The following XPO4 variants were observed in gnomAD, a reference collection of about 807,000 sequenced individuals.
XPO4 encodes exportin 4.
XPO4 carries 39 observed loss-of-function variants against 143.0 expected under a neutral mutation model. The ratio of observed to expected loss-of-function variants is 0.27; its 90% CI spans 0.21 to 0.36. The LOEUF is 0.36. Among genes scored for constraint, XPO4 ranks in the 10% least tolerant of loss-of-function variants. The pLI, the probability that XPO4 is intolerant of heterozygous loss-of-function variation, is 1.00. For synonymous variants in XPO4, 439 were observed against 474.0 expected, an observed-to-expected ratio of 0.93 and a Z score of 0.96; for missense variants, 907 against 1,348.0, an observed-to-expected ratio of 0.67 and a Z score of 5.12.
In XPO4 at chr13:20,809,890, G is replaced by A; in HGVS notation, c.1251C>T (p.Asp417=). Residue 417 remains aspartate, a synonymous_variant, in exon 10 of 23, where the codon GAC becomes GAT. Coordinates refer to ENST00000255305, the MANE Select transcript of XPO4 (RefSeq NM_022459.5). ...LESWLTLVQD[D]KHFHKGFFTQ... ...TAAAAAAGCCTTTATGGAAATGTTT[G>A]TCATCTTGAACCAAAGTTAACCAGG... 3.7e-6 allele frequency: 6 copies of A among 1,613,808 alleles called. No individual in the cohort carries two copies. Among genetic ancestry groups the A allele is most frequent in the African/African-American group, 2.7e-5 (2 of 75,038 alleles).
intron 9 of XPO4, among the ~76,000 whole-genome samples, chr13:20,820,759 T>A (rs939041731): frequency 1.3e-5 from 2 of 152,174 alleles, no homozygotes; most frequent in Non-Finnish European, 2.9e-5. Context: ...CCCGATTACA[T>A]AAACATAATC....
intron 13 of XPO4, among the ~76,000 whole-genome samples, chr13:20,807,145 T>C (rs2059518932): frequency 6.6e-6 from 1 of 152,162 alleles, no homozygotes; most frequent in Non-Finnish European, 1.5e-5. Flanking sequence ...CATGCATCAG[T>C]ATTGCTCTCT....
In XPO4 at chr13:20,787,457, T is replaced by A; in HGVS notation, c.3165+24A>T. ...ACACTTTTGAAAGTAGCTGATTTTCTGACCTACCGCACAGACATCTTACCT... is the reference window on the plus strand; with the variant it reads ...ACACTTTTGAAAGTAGCTGATTTTCAGACCTACCGCACAGACATCTTACCT... On this transcript the variant is annotated intron_variant, in intron 21 of 22. Transcript: ENST00000255305. 3 of 1,602,622 alleles carry A rather than the reference T, an allele frequency of 1.9e-6. No homozygotes were observed. The South Asian group carries it at 3.3e-5, about 18-fold the overall frequency.
intron 2 of XPO4, chr13:20,865,729 G>A: frequency 1.8e-5 from 6 of 325,450 alleles, no homozygotes; most frequent in Non-Finnish European, 2.6e-5. Flanking sequence ...CAGATATACA[G>A]CTACTACAAT....
At chr13:20,862,059 T>C (rs1228133735) in intron 3 of XPO4, among the ~76,000 whole-genome samples, 2 of 152,070 alleles carry the variant, frequency 1.3e-5, no homozygotes, top group Non-Finnish European at 2.9e-5. Flanking sequence ...AGTGCTGGGA[T>C]TACAGGTGTG....
At chr13:20,888,175 C>CAAAAA (rs60114182) in intron 1 of XPO4, among the ~76,000 whole-genome samples, 4 of 90,562 alleles carry the variant, frequency 4.4e-5, no homozygotes, top group Admixed American at 1.5e-4. Flanking sequence ...AACTCCATCT[C>CAAAAA]AAAAAAAAAA....
At chr13:20,854,313 G>A (rs2060120044) in intron 4 of XPO4, among the ~76,000 whole-genome samples, 2 of 152,204 alleles carry the variant, frequency 1.3e-5, no homozygotes, top group Non-Finnish European at 2.9e-5. Flanking sequence ...AGCTGTGTGC[G>A]GTGAAAAGTG....
intron 1 of XPO4, among the ~76,000 whole-genome samples, chr13:20,884,242 T>C (rs2060440507): frequency 2.0e-5 from 3 of 152,242 alleles, no homozygotes; most frequent in Middle Eastern, 3.4e-3. Flanking sequence ...TAGCTGGGCA[T>C]GATGGCCTCC....
At chr13:20,787,694 A>C in intron 20 of XPO4, 96 bp from the exon 21 acceptor site, 1 of 938,542 alleles carries the variant, frequency 1.1e-6, no homozygotes, top group Non-Finnish European at 1.7e-6. Flanking sequence ...GAGTGTTTCT[A>C]GAAATGAATA....
At chr13:20,824,163 A>G (rs776806398) in intron 7 of XPO4, among the ~76,000 whole-genome samples, 36 of 152,236 alleles carry the variant, frequency 2.4e-4, no homozygotes, top group Admixed American at 6.5e-4. Flanking sequence ...CTATATTCCA[A>G]TGTATTTTAA....
intron 6 of XPO4, among the ~76,000 whole-genome samples, chr13:20,829,561 C>T (rs2059827127): frequency 6.6e-6 from 1 of 152,044 alleles, no homozygotes; most frequent in Non-Finnish European, 1.5e-5. Context: ...ACTTCAGGTG[C>T]TATAACTGCA....
rs1383215227 is a variant in XPO4, at chr13:20,786,833, C to T, written c.3258+132G>A. 13 of 594,040 alleles carry T rather than the reference C, an allele frequency of 2.2e-5. No individual in the cohort carries two copies. In the South Asian group the frequency reaches 2.2e-4, roughly 10 times the overall value. 36.8% of individuals were successfully genotyped at this position (594,040 alleles called of 1,614,324 possible). A position where few individuals can be genotyped will look rare whatever the true frequency, so the allele number is the denominator to read the frequency against. On this transcript the variant is annotated intron_variant, in intron 22 of 22. Transcript: ENST00000255305. ...CTAATAAAGAAGCTAAGAAATACTT[C>T]CTCACTGAAACAGAACTGAAGCACT...
At chr13:20,853,021 T>C (rs867891083) in intron 4 of XPO4, 76 of 985,312 alleles carry the variant, frequency 7.7e-5, no homozygotes, top group African/African-American at 6.8e-4. Flanking sequence ...CCACAATTTA[T>C]ATTACTCTAA....
intron 9 of XPO4, among the ~76,000 whole-genome samples, chr13:20,814,932 T>C (rs2059630288): frequency 6.6e-6 from 1 of 152,240 alleles, no homozygotes; most frequent in Admixed American, 6.5e-5. Flanking sequence ...TTTTGGTAAT[T>C]ATGTTGAATA....
intron 11 of XPO4, 76 bp from the exon 12 acceptor site, chr13:20,808,657 T>C: frequency 6.3e-6 from 8 of 1,261,156 alleles, no homozygotes; most frequent in Non-Finnish European, 8.5e-6. Context: ...TTCCATATAT[T>C]AGACAACATG....
intron 1 of XPO4, 91 bp downstream of exon 1, chr13:20,902,579 A>G: frequency 7.1e-7 from 1 of 1,401,544 alleles, no homozygotes; most frequent in Non-Finnish European, 9.3e-7. Flanking sequence ...GGCCCTTGCC[A>G]GTCGCCAGCC....
chr13:20,852,718 T>C (rs1010104248), intron 4 of XPO4: 149 of 978,638 alleles, frequency 1.5e-4, no homozygotes, highest in Middle Eastern at 5.2e-4. Context: ...ACACCACATC[T>C]ATATTATATA....
chr13:20,809,835 A>G lies in XPO4; in HGVS notation c.1306T>C (p.Tyr436His). ...GGAGCAGCTAGGTGGCACTGAATAT[A>G]GGAATTGAAAACTTGAACTGCATGT... ...TQHAVQVFNS[Y>H]IQCHLAAPDG... The change falls in exon 10 of 23, where the codon TAT becomes CAT. Residue 436 changes from tyrosine to histidine, a missense_variant. Physicochemically the swap from Tyr to His is moderately conservative, Grantham distance 83. Transcript: ENST00000255305. 6.2e-7 allele frequency: 1 copy of G among 1,613,696 alleles called. No homozygotes were observed. The highest frequency in any genetic ancestry group is 1.7e-5 in the Admixed American group (1 of 59,962).
chr13:20,813,822 G>A (rs941365563), intron 9 of XPO4, among the ~76,000 whole-genome samples: 9 of 152,078 alleles, frequency 5.9e-5, no homozygotes, highest in African/African-American at 2.2e-4. Flanking sequence ...GCCAGGCGTG[G>A]TGGAACATGC....
Sources: allele counts gnomAD v4.1 joint callset (sites outside exome capture counted in the v4.1 genomes callset), GRCh38; gene constraint gnomAD v4.1.1; transcripts MANE v1.5; gene names NCBI Gene and HGNC (gene_info 2026-07-23, HGNC 2026-07-21).